Variants in ADAMTS12 observed in about 807,000 individuals in gnomAD.
ADAMTS12 encodes ADAM metallopeptidase with thrombospondin type 1 motif 12.
In ADAMTS12, 118 loss-of-function variants were observed where a neutral mutation model predicts 167.8. The observed-to-expected ratio is 0.70, with a 90% confidence interval of 0.61 to 0.82. ADAMTS12 has a LOEUF of 0.82. Among genes scored for constraint, ADAMTS12 ranks in the 40% least tolerant of loss-of-function variants. ADAMTS12 has a pLI of 0.00. For missense variants in ADAMTS12, 1,916 were observed against 1,998.8 expected, an observed-to-expected ratio of 0.96 and a Z score of 0.79; for synonymous variants, 704 against 716.9, an observed-to-expected ratio of 0.98 and a Z score of 0.29.
At chr5:33,830,511 G>A (rs146108995) in intron 2 of ADAMTS12, among the ~76,000 whole-genome samples, 4 of 152,282 alleles carry the variant, frequency 2.6e-5, no homozygotes, top group East Asian at 1.9e-4. Flanking sequence ...TGTCTTGGCC[G>A]GGCATAGTGA....
At chr5:33,671,686 G>A (rs1741696031) in intron 5 of ADAMTS12, among the ~76,000 whole-genome samples, 1 of 151,884 alleles carries the variant, frequency 6.6e-6, no homozygotes, top group Non-Finnish European at 1.5e-5. Context: ...TGGGTAGGAA[G>A]AGCCCATGCA....
intron 1 of ADAMTS12, among the ~76,000 whole-genome samples, chr5:33,883,692 A>C (rs1162025872): frequency 2.0e-5 from 3 of 152,236 alleles, no homozygotes; most frequent in Non-Finnish European, 4.4e-5. Flanking sequence ...AACCCATTAA[A>C]ATGGTTTTCC....
chr5:33,528,847 C>T (rs1743956097), intron 23 of ADAMTS12, among the ~76,000 whole-genome samples: 2 of 152,192 alleles, frequency 1.3e-5, no homozygotes, highest in Admixed American at 6.5e-5. Flanking sequence ...GAATTCGAGA[C>T]TAGTCTAGCC....
chr5:33,681,324 C>T (rs565334375), intron 5 of ADAMTS12, among the ~76,000 whole-genome samples: 6 of 152,278 alleles, frequency 3.9e-5, no homozygotes, highest in African/African-American at 1.2e-4. Flanking sequence ...TAAGCCCTCC[C>T]TTGGCATTTT....
intron 20 of ADAMTS12, among the ~76,000 whole-genome samples, chr5:33,549,840 T>C (rs572765111): frequency 6.6e-6 from 1 of 152,256 alleles, no homozygotes; most frequent in South Asian, 2.1e-4. Context: ...CTAAGCCTTG[T>C]CCGTCTTTCC....
At chr5:33,883,556 C>T (rs1384585096) in intron 1 of ADAMTS12, among the ~76,000 whole-genome samples, 1 of 151,864 alleles carries the variant, frequency 6.6e-6, no homozygotes, top group African/African-American at 2.4e-5. Flanking sequence ...TTCACAGCAA[C>T]ACTCCACGAA....
chr5:33,645,023 C>T (rs1740608577), intron 9 of ADAMTS12, among the ~76,000 whole-genome samples: 1 of 152,062 alleles, frequency 6.6e-6, no homozygotes, highest in East Asian at 1.9e-4. Flanking sequence ...AGCCACCGTA[C>T]CCGGCCTAGG....
chr5:33,809,881 CTGGGGG>C (rs1164174165), intron 2 of ADAMTS12, among the ~76,000 whole-genome samples: 1 of 146,836 alleles, frequency 6.8e-6, no homozygotes, highest in African/African-American at 2.5e-5. Context: ...TTAGTAGAGA[CTGGGGG>C]TGGGGGTGAA....
intron 5 of ADAMTS12, among the ~76,000 whole-genome samples, chr5:33,673,567 T>A (rs1198071620): frequency 1.3e-5 from 2 of 152,192 alleles, no homozygotes; most frequent in African/African-American, 4.8e-5. Flanking sequence ...TGCTACCTAC[T>A]GTCCTTAGCC....
chr5:33,615,168 G>T (rs1738935506), intron 15 of ADAMTS12, among the ~76,000 whole-genome samples: 1 of 152,178 alleles, frequency 6.6e-6, no homozygotes, highest in East Asian at 1.9e-4. Context: ...GCCTGTGTCA[G>T]AAGCAAAGTC....
At chr5:33,633,841 AT>A (rs1740071867) in intron 12 of ADAMTS12, among the ~76,000 whole-genome samples, 1 of 152,076 alleles carries the variant, frequency 6.6e-6, no homozygotes, top group African/African-American at 2.4e-5. Context: ...CTTGTCTCAC[AT>A]TTACTCCCCT....
chr5:33,527,029 T>C lies in ADAMTS12; in HGVS notation c.*159A>G, dbSNP rs1028575056. 2.4e-5 allele frequency: 23 copies of C among 943,564 alleles called. No individual in the cohort carries two copies. The highest frequency in any genetic ancestry group is 3.4e-4 in the Middle Eastern group (1 of 2,918). 58.4% of individuals were successfully genotyped at this position (943,564 alleles called of 1,614,324 possible). On this transcript the variant is annotated 3_prime_UTR_variant, in exon 24 of 24. Transcript: ENST00000504830. ...CAGCCTAGGCCTCCTGTGAGGGACATTCGGTGGCTAGAGGAACACAATGGA... is the reference window on the plus strand; with the variant it reads ...CAGCCTAGGCCTCCTGTGAGGGACACTCGGTGGCTAGAGGAACACAATGGA...
At chr5:33,730,852 T>C (rs1180506485) in intron 3 of ADAMTS12, among the ~76,000 whole-genome samples, 1 of 152,234 alleles carries the variant, frequency 6.6e-6, no homozygotes, top group Non-Finnish European at 1.5e-5. Flanking sequence ...ACCCAATTAT[T>C]GTCCTGAAGT....
At chr5:33,582,996 T>C (rs1292709599) in intron 18 of ADAMTS12, among the ~76,000 whole-genome samples, 2 of 152,240 alleles carry the variant, frequency 1.3e-5, no homozygotes, top group African/African-American at 4.8e-5. Flanking sequence ...AACAATCTAA[T>C]TATACTCTTT....
At chr5:33,764,465 G>T (rs1002241096) in intron 2 of ADAMTS12, among the ~76,000 whole-genome samples, 7 of 152,074 alleles carry the variant, frequency 4.6e-5, no homozygotes, top group African/African-American at 1.7e-4. Flanking sequence ...CAGCAGTCTG[G>T]TCATTCTCCC....
chr5:33,833,882 G>A (rs933695206), intron 2 of ADAMTS12, among the ~76,000 whole-genome samples: 8 of 152,148 alleles, frequency 5.3e-5, no homozygotes, highest in Non-Finnish European at 1.0e-4. Context: ...ACATGCATAG[G>A]AAAAAATGGG....
intron 2 of ADAMTS12, among the ~76,000 whole-genome samples, chr5:33,879,799 G>A (rs1468455284): frequency 6.6e-6 from 1 of 152,158 alleles, no homozygotes; most frequent in Non-Finnish European, 1.5e-5. Flanking sequence ...TTCTAGCAAA[G>A]CCAAACTCCA....
intron 3 of ADAMTS12, among the ~76,000 whole-genome samples, chr5:33,695,782 T>C (rs1412779535): frequency 2.6e-5 from 4 of 152,176 alleles, no homozygotes; most frequent in Non-Finnish European, 5.9e-5. Flanking sequence ...GAGGGATGGA[T>C]GGTGATGATG....
Position 33,755,648 on chromosome 5 carries a change from G to T in ADAMTS12, c.490-4100C>A, listed in dbSNP as rs115464055. 2.2e-3 allele frequency among the ~76,000 whole-genome samples: 336 copies of T among 152,312 alleles called. 1 individual carries two copies. The highest frequency in any genetic ancestry group is 8.0e-3 in the African/African-American group (331 of 41,574). On this transcript the variant is annotated intron_variant, in intron 2 of 23. Coordinates refer to ENST00000504830, the MANE Select transcript of ADAMTS12 (RefSeq NM_030955.4). ...GACCTTGAAGAGTCACCCACCCCAT[G>T]CTGTTGTGCCTTCTGGAGTACCACA... is the stretch of plus-strand genomic sequence containing the variant.
Sources: allele counts gnomAD v4.1 joint callset (sites outside exome capture counted in the v4.1 genomes callset), GRCh38; gene constraint gnomAD v4.1.1; transcripts MANE v1.5; gene names NCBI Gene and HGNC (gene_info 2026-07-23, HGNC 2026-07-21).